ASTN1: variants seen among roughly 807,000 people sequenced by gnomAD.
The protein encoded by ASTN1 is astrotactin-1.
ASTN1 carries 41 observed loss-of-function variants against 140.7 expected under a neutral mutation model. That is an observed-to-expected ratio of 0.29 (90% CI 0.23 to 0.38). The LOEUF is 0.38. Ranked by LOEUF, ASTN1 falls within the 10% of genes least tolerant of loss-of-function variation. The pLI, the probability that ASTN1 is intolerant of heterozygous loss-of-function variation, is 1.00. For synonymous variants in ASTN1, 640 were observed against 652.2 expected (o/e 0.98, Z 0.29); for missense variants, 1,479 against 1,678.8 (o/e 0.88, Z 2.08).
intron 17 of ASTN1, among the ~76,000 whole-genome samples, chr1:176,893,948 A>G (rs1424096064): frequency 6.6e-6 from 1 of 152,106 alleles, no homozygotes; most frequent in Admixed American, 6.5e-5. Context: ...GGAAAGGGAG[A>G]GGCAGAGGCA....
intron 1 of ASTN1, among the ~76,000 whole-genome samples, chr1:177,129,235 C>G (rs1399640426): frequency 1.3e-5 from 2 of 152,196 alleles, no homozygotes. Context: ...GCTATATAAT[C>G]ACTGCGTTCA....
chr1:176,951,124 C>T (rs985322231), intron 11 of ASTN1, among the ~76,000 whole-genome samples: 1 of 152,236 alleles, frequency 6.6e-6, no homozygotes, highest in Non-Finnish European at 1.5e-5. Flanking sequence ...CCCTTTCTCC[C>T]CATGAAGGCA....
intron 2 of ASTN1, among the ~76,000 whole-genome samples, chr1:177,041,394 C>A (rs775058150): frequency 6.6e-6 from 1 of 152,182 alleles, no homozygotes; most frequent in Non-Finnish European, 1.5e-5. Flanking sequence ...TTATGTACAA[C>A]AGATAGGCTG....
At chr1:176,917,871 A>G (rs1478641186) in intron 16 of ASTN1, among the ~76,000 whole-genome samples, 1 of 152,204 alleles carries the variant, frequency 6.6e-6, no homozygotes, top group Non-Finnish European at 1.5e-5. Context: ...ACAGTCACAA[A>G]TTGTAACCTA....
chr1:176,890,504 G>T (rs1669215960), intron 17 of ASTN1, among the ~76,000 whole-genome samples: 1 of 152,214 alleles, frequency 6.6e-6, no homozygotes, highest in Non-Finnish European at 1.5e-5. Flanking sequence ...TTCTCAGCAA[G>T]TGGGAGGGAG....
chr1:176,889,740 C>T (rs538407606), intron 17 of ASTN1, among the ~76,000 whole-genome samples: 2 of 152,266 alleles, frequency 1.3e-5, no homozygotes, highest in South Asian at 4.2e-4. Context: ...GATGCTAACA[C>T]TTTGATGAAT....
chr1:177,158,655 C>CGTGT (rs34610563), intron 1 of ASTN1, among the ~76,000 whole-genome samples: 4,503 of 142,640 alleles, frequency 0.032, 71 homozygotes, highest in South Asian at 0.074. Flanking sequence ...GAAAAAAGTA[C>CGTGT]GTGTGTGTGT....
intron 8 of ASTN1, among the ~76,000 whole-genome samples, chr1:177,013,614 C>T (rs2101937586): frequency 6.6e-6 from 1 of 152,284 alleles, no homozygotes; most frequent in African/African-American, 2.4e-5. Flanking sequence ...AGATCATTGA[C>T]CTCAGGGATG....
chr1:176,915,793 T>C lies in ASTN1; in HGVS notation c.2671+18359A>G, dbSNP rs1398284479. 2.0e-5 allele frequency among the ~76,000 whole-genome samples: 3 copies of C among 152,342 alleles called. No individual in the cohort carries two copies. In the East Asian group the frequency reaches 5.8e-4, roughly 29 times the overall value. Reference sequence around the variant, plus strand: ...CACGATAAGGTCCCGATGTCTCACATGTCCCTGGAATTGACATGCACCAGG... The same window carrying C: ...CACGATAAGGTCCCGATGTCTCACACGTCCCTGGAATTGACATGCACCAGG... On this transcript the variant is annotated intron_variant, in intron 16 of 22. Coordinates refer to ENST00000361833, the MANE Select transcript of ASTN1 (RefSeq NM_004319.3).
chr1:176,960,946 A>G (rs986205053), intron 9 of ASTN1, among the ~76,000 whole-genome samples: 1 of 152,126 alleles, frequency 6.6e-6, no homozygotes, highest in Non-Finnish European at 1.5e-5. Context: ...CACCTGACTC[A>G]GAGCCCCTTG....
intron 5 of ASTN1, among the ~76,000 whole-genome samples, chr1:177,026,189 C>T (rs1233949173): frequency 6.6e-6 from 1 of 152,200 alleles, no homozygotes; most frequent in African/African-American, 2.4e-5. Context: ...AAGGTAGTCT[C>T]TGGGTCCTCT....
rs186077493 is a variant in ASTN1, at chr1:176,949,737, G to A, written c.1888-386C>T. 1.2e-3 allele frequency among the ~76,000 whole-genome samples: 188 copies of A among 152,356 alleles called. 2 individuals are homozygous for A. The highest frequency in any genetic ancestry group is 1.9e-4 in the East Asian group (1 of 5,172). On this transcript the variant is annotated intron_variant, in intron 11 of 22. Transcript: ENST00000361833. The stretch of plus-strand genomic sequence containing the variant: ...GATTCCACTGGGCTACAGGAAGGAA[G>A]TGCTGCTCTTTGGCCTTGGTGGTAC...
chr1:176,912,845 C>T (rs545898287), intron 16 of ASTN1, among the ~76,000 whole-genome samples: 35 of 152,218 alleles, frequency 2.3e-4, no homozygotes, highest in Admixed American at 2.0e-3. Context: ...TAGATCTCTG[C>T]GATTACTACA....
chr1:176,927,463 G>GA lies in ASTN1; in HGVS notation c.2671+6688dup, dbSNP rs908335886. Among the ~76,000 whole-genome samples, 72 of 151,884 alleles carry GA rather than the reference G, an allele frequency of 4.7e-4. 1 individual carries two copies. Among genetic ancestry groups the GA allele is most frequent in the Non-Finnish European group, 8.0e-4 (54 of 67,912 alleles). On this transcript the variant is annotated intron_variant, in intron 16 of 22. Transcript: ENST00000361833. Reference sequence around the variant, plus strand: ...GAATGAAGTATAAAGAAAAGAAAAAGAAAAAAAATGTACTGTGCTTAGTGC... The same window carrying GA: ...GAATGAAGTATAAAGAAAAGAAAAAGAAAAAAAAATGTACTGTGCTTAGTGC...
At chr1:176,965,060 G>A (rs1028033549) in intron 9 of ASTN1, 103 bp downstream of exon 9, 12 of 1,090,052 alleles carry the variant, frequency 1.1e-5, no homozygotes, top group East Asian at 2.4e-5. Context: ...ACAACTCAAG[G>A]TGTTTCCTAT....
chr1:176,903,277 TTCTCTC>T (rs138995649), intron 16 of ASTN1, among the ~76,000 whole-genome samples: 1 of 150,232 alleles, frequency 6.7e-6, no homozygotes, highest in Non-Finnish European at 1.5e-5. Context: ...AAGTGTTTCC[TTCTCTC>T]TCTCTCTCTC....
chr1:177,124,096 C>T (rs957475077), intron 1 of ASTN1, among the ~76,000 whole-genome samples: 7 of 152,116 alleles, frequency 4.6e-5, no homozygotes, highest in Non-Finnish European at 1.0e-4. Flanking sequence ...TTGACTCTTG[C>T]TTCCAGGTAT....
At position 177,149,208 on chromosome 1, in the gene ASTN1, GTATATATAGTAAA is replaced by G. The variant is rs1377676143; in HGVS notation, c.283+15173_283+15185del. On this transcript the variant is annotated intron_variant, in intron 1 of 22. Transcript: ENST00000361833. ...TATATATATAGTAAATATATATAGT[GTATATATAGTAAA>G]TATATATAGTAAATATATATATACT... 1.1e-3 allele frequency among the ~76,000 whole-genome samples: 102 copies of G among 93,468 alleles called. 2 individuals are homozygous for G. The highest frequency in any genetic ancestry group is 2.2e-3 in the Admixed American group (16 of 7,294). 61.3% of individuals were successfully genotyped at this position (93,468 alleles called of 152,430 possible).
intron 1 of ASTN1, among the ~76,000 whole-genome samples, chr1:177,137,563 T>C (rs1414613538): frequency 6.6e-6 from 1 of 152,252 alleles, no homozygotes; most frequent in Non-Finnish European, 1.5e-5. Flanking sequence ...GCTGTAATTA[T>C]ACACATAATC....
Sources: gnomAD v4.1 joint callset for allele counts (sites outside exome capture counted in the v4.1 genomes callset) on GRCh38, gnomAD v4.1.1 for gene constraint, MANE v1.5 for transcripts, NCBI Gene and HGNC (gene_info 2026-07-23, HGNC 2026-07-21) for gene names.